RNF130: variants seen among roughly 807,000 people sequenced by gnomAD.
RNF130 encodes E3 ubiquitin-protein ligase RNF130.
In RNF130, 21 loss-of-function variants were observed where a neutral mutation model predicts 44.6. The ratio of observed to expected loss-of-function variants is 0.47; its 90% confidence interval spans 0.33 to 0.68. The LOEUF is 0.68. RNF130 is among the 30% of genes least tolerant of loss of function. The pLI is 0.02. For missense variants in RNF130, 479 were observed against 560.6 expected (o/e 0.85, Z 1.47); for synonymous variants, 214 against 210.4 (o/e 1.02, Z -0.15).
At chr5:179,960,287 C>T (rs990416843) in intron 8 of RNF130, among the ~76,000 whole-genome samples, 4 of 152,134 alleles carry the variant, frequency 2.6e-5, no homozygotes, top group Non-Finnish European at 5.9e-5. Context: ...TGACTACCAT[C>T]CTGTTTATAT....
chr5:180,019,031 T>C (rs1452590878), intron 2 of RNF130, among the ~76,000 whole-genome samples: 2 of 152,236 alleles, frequency 1.3e-5, no homozygotes, highest in Non-Finnish European at 2.9e-5. Flanking sequence ...GCATTAGTTA[T>C]TCCTATATAA....
chr5:180,039,344 A>C (rs1764352298), intron 2 of RNF130, among the ~76,000 whole-genome samples: 1 of 151,694 alleles, frequency 6.6e-6, no homozygotes, highest in African/African-American at 2.4e-5. Context: ...GGCTCAAACA[A>C]TTTTCCTGTC....
chr5:180,033,515 G>A lies in RNF130; in HGVS notation c.442+6938C>T, dbSNP rs558241518. 3.9e-5 allele frequency among the ~76,000 whole-genome samples: 6 copies of A among 152,272 alleles called. No homozygotes were observed. The South Asian group carries it at 1.2e-3, about 32-fold the overall frequency. On this transcript the variant is annotated intron_variant, in intron 2 of 8. Transcript: ENST00000521389. The stretch of plus-strand genomic sequence containing the variant: ...GAGGTGGGCAGGTCACTTGAGGTCA[G>A]GAGTTCGAGACCAGCCCGGCCAACA...
chr5:179,920,714 C>G (rs1761615750), intron 7 of RNF130, among the ~76,000 whole-genome samples: 1 of 151,870 alleles, frequency 6.6e-6, no homozygotes, highest in African/African-American at 2.4e-5. Context: ...AACGTGAAGA[C>G]TTCTTCCTGG....
intron 1 of RNF130, among the ~76,000 whole-genome samples, chr5:180,046,817 T>C (rs1445706568): frequency 6.6e-6 from 1 of 152,234 alleles, no homozygotes; most frequent in African/African-American, 2.4e-5. Flanking sequence ...TACATCCATC[T>C]TGGCATTTAT....
At chr5:179,994,213 T>A (rs1763154415) in intron 3 of RNF130, among the ~76,000 whole-genome samples, 1 of 152,210 alleles carries the variant, frequency 6.6e-6, no homozygotes, top group African/African-American at 2.4e-5. Context: ...TGGTTCCATA[T>A]GAACTTTAAA....
At chr5:180,013,840 A>G (rs1264592697) in intron 2 of RNF130, among the ~76,000 whole-genome samples, 2 of 152,226 alleles carry the variant, frequency 1.3e-5, no homozygotes, top group African/African-American at 4.8e-5. Context: ...GCCAGGAACA[A>G]AAACAAGTAC....
intron 1 of RNF130, among the ~76,000 whole-genome samples, chr5:180,041,937 G>A (rs1392731057): frequency 6.6e-6 from 1 of 152,126 alleles, no homozygotes; most frequent in Non-Finnish European, 1.5e-5. Flanking sequence ...GTGTGGTGGG[G>A]CACATCTGAA....
At chr5:179,973,431 G>T (rs984197881) in intron 5 of RNF130, among the ~76,000 whole-genome samples, 1 of 152,142 alleles carries the variant, frequency 6.6e-6, no homozygotes, top group Non-Finnish European at 1.5e-5. Context: ...GCAAAGTTCT[G>T]CTACAACAGT....
chr5:179,944,433 G>A (rs1300630757), intron 7 of RNF130, among the ~76,000 whole-genome samples: 1 of 151,726 alleles, frequency 6.6e-6, no homozygotes, highest in Non-Finnish European at 1.5e-5. Context: ...TCTCCTTAAC[G>A]GAATTAACGC....
chr5:180,021,608 C>A (rs1763873961), intron 2 of RNF130, among the ~76,000 whole-genome samples: 1 of 151,828 alleles, frequency 6.6e-6, no homozygotes, highest in African/African-American at 2.4e-5. Context: ...CCAAATCATT[C>A]ATTTAAAAAT....
In RNF130 at chr5:180,013,188, T is replaced by C; in HGVS notation, c.566A>G (p.Asn189Ser). 1 of 1,614,166 alleles carries C rather than the reference T, an allele frequency of 6.2e-7. No individual in the cohort carries two copies. The highest frequency in any genetic ancestry group is 8.5e-7 in the Non-Finnish European group (1 of 1,180,040). The change falls in exon 3 of 9, where the codon AAC becomes AGC. Residue 189 changes from asparagine (N) to serine (S), a missense_variant. Asn to Ser is a conservative substitution (Grantham distance 46, BLOSUM62 1). Transcript: ENST00000521389. ...GAAGACTAGAGAGCCACGGCTGAAGTTCTTCGGTGGCATTCGAGTTCCAAC... is the reference window on the plus strand; with the variant it reads ...GAAGACTAGAGAGCCACGGCTGAAGCTCTTCGGTGGCATTCGAGTTCCAAC... ...IAVGTRMPPK[N>S]FSRGSLVFVS...
At chr5:179,974,358 T>C (rs1052819906) in intron 5 of RNF130, among the ~76,000 whole-genome samples, 2 of 152,208 alleles carry the variant, frequency 1.3e-5, no homozygotes, top group African/African-American at 2.4e-5. Flanking sequence ...AGAGGTCTAA[T>C]AAGACCAGGT....
intron 7 of RNF130, among the ~76,000 whole-genome samples, chr5:179,937,604 G>A (rs995158850): frequency 6.6e-6 from 1 of 152,178 alleles, no homozygotes; most frequent in African/African-American, 2.4e-5. Context: ...ATTGTTGGCA[G>A]GAATGTAAAA....
At chr5:179,971,582 G>A (rs1248260175) in intron 5 of RNF130, among the ~76,000 whole-genome samples, 2 of 152,172 alleles carry the variant, frequency 1.3e-5, no homozygotes, top group Admixed American at 1.3e-4. Context: ...TGTTAGCCAG[G>A]ATGGTTTCCA....
intron 7 of RNF130, among the ~76,000 whole-genome samples, chr5:179,928,903 A>G (rs1178672177): frequency 6.6e-6 from 1 of 152,186 alleles, no homozygotes; most frequent in Non-Finnish European, 1.5e-5. Context: ...TGCTGGGATT[A>G]CAGGCGTGAG....
chr5:180,041,069 C>T (rs766999916), intron 1 of RNF130, among the ~76,000 whole-genome samples: 33 of 152,276 alleles, frequency 2.2e-4, no homozygotes, highest in Admixed American at 1.2e-3. Context: ...CCGCTATCCC[C>T]ACAGTGAGAA....
At chr5:179,997,966 C>T (rs189872191) in intron 3 of RNF130, among the ~76,000 whole-genome samples, 2 of 152,014 alleles carry the variant, frequency 1.3e-5, no homozygotes, top group Admixed American at 6.5e-5. Context: ...CTCAGCCTCC[C>T]GAGTAGCTGA....
chr5:179,992,179 T>G (rs1198329047), intron 3 of RNF130, among the ~76,000 whole-genome samples: 1 of 152,226 alleles, frequency 6.6e-6, no homozygotes, highest in Non-Finnish European at 1.5e-5. Context: ...TCTTGCTCTT[T>G]TGCCCAGGCT....
Sources: allele counts gnomAD v4.1 joint callset (sites outside exome capture counted in the v4.1 genomes callset), GRCh38; gene constraint gnomAD v4.1.1; transcripts MANE v1.5; gene names NCBI Gene and HGNC (gene_info 2026-07-23, HGNC 2026-07-21).